The following TRAF3 variants were observed in gnomAD, a reference collection of about 807,000 sequenced individuals.
TRAF3 encodes the protein TNF receptor associated factor 3.
In TRAF3, 13 loss-of-function variants were observed where a neutral mutation model predicts 62.3. The observed-to-expected ratio is 0.21, with a 90% CI of 0.14 to 0.33. TRAF3 has a LOEUF of 0.33. TRAF3 is among the 10% of genes least tolerant of loss of function. TRAF3 has a pLI of 1.00. For synonymous variants in TRAF3, 269 were observed against 283.4 expected (o/e 0.95, Z 0.51); for missense variants, 440 against 741.8 (o/e 0.59, Z 4.73).
rs573131162 is a variant in TRAF3, at chr14:102,786,791, C to G, written c.-157+9116C>G. On this transcript the variant is annotated intron_variant, in intron 1 of 11. Transcript: ENST00000392745. ...CTTGAATCCAGGAGTTCTCAACCAA[C>G]CTGGGCAACATAGTGTTATAAGACC... 1.4e-3 allele frequency among the ~76,000 whole-genome samples: 217 copies of G among 152,162 alleles called. 2 individuals carry two copies. Among genetic ancestry groups the G allele is most frequent in the African/African-American group, 5.1e-3 (212 of 41,522 alleles).
chr14:102,779,122 G>C (rs911230092), intron 1 of TRAF3, among the ~76,000 whole-genome samples: 1 of 152,208 alleles, frequency 6.6e-6, no homozygotes, highest in African/African-American at 2.4e-5. Flanking sequence ...AACCCTGACA[G>C]ACCTTGGATT....
chr14:102,906,775 C>T lies in TRAF3; in HGVS notation c.*991C>T, dbSNP rs1890603847. 6.6e-6 allele frequency: 1 copy of T among 152,242 alleles called. No individual in the cohort carries two copies. Among genetic ancestry groups the T allele is most frequent in the African/African-American group, 2.4e-5 (1 of 41,464 alleles). The allele number at this position is 152,242 out of a possible 1,614,324, so 9.4% of individuals were successfully genotyped here. A position where few individuals can be genotyped will look rare whatever the true frequency, so the allele number is the denominator to read the frequency against. On this transcript the variant is annotated 3_prime_UTR_variant, in exon 12 of 12. Transcript: ENST00000392745. Reference sequence around the variant, plus strand: ...CAGCACCGGCCTTCGGTCTCCATGTCAGGGGTGGGCGGGTGACTGCTGAGG... The same window carrying T: ...CAGCACCGGCCTTCGGTCTCCATGTTAGGGGTGGGCGGGTGACTGCTGAGG...
At chr14:102,902,546 T>C (rs1890357469) in intron 10 of TRAF3, among the ~76,000 whole-genome samples, 1 of 152,114 alleles carries the variant, frequency 6.6e-6, no homozygotes, top group Non-Finnish European at 1.5e-5. Flanking sequence ...TGAGACCCTG[T>C]GGCAGCCATG....
intron 2 of TRAF3, among the ~76,000 whole-genome samples, chr14:102,832,364 T>C (rs1900745690): frequency 6.6e-6 from 1 of 152,178 alleles, no homozygotes; most frequent in Non-Finnish European, 1.5e-5. Flanking sequence ...TGCAACCCAC[T>C]CCATTCAGTT....
chr14:102,890,943 A>G (rs1889676119), intron 8 of TRAF3, among the ~76,000 whole-genome samples: 2 of 152,304 alleles, frequency 1.3e-5, no homozygotes, highest in South Asian at 4.1e-4. Flanking sequence ...AACATTTTCC[A>G]CTTATGCTAT....
chr14:102,818,754 T>C (rs1158525127), intron 1 of TRAF3, among the ~76,000 whole-genome samples: 2 of 152,176 alleles, frequency 1.3e-5, no homozygotes, highest in Admixed American at 1.3e-4. Context: ...CCCTCCAGGC[T>C]CTTCTGTGGC....
At chr14:102,820,585 TATATATATATATATATATATATATATA>T (rs1899846699) in intron 1 of TRAF3, among the ~76,000 whole-genome samples, 2 of 6,250 alleles carry the variant, frequency 3.2e-4, no homozygotes, top group Non-Finnish European at 5.5e-4. Context: ...TATATATATA[TATATATATATATATATATATATATATA>T]TATTTTTTTT....
intron 1 of TRAF3, among the ~76,000 whole-genome samples, chr14:102,781,435 T>C (rs1897268110): frequency 6.6e-6 from 1 of 152,170 alleles, no homozygotes; most frequent in Non-Finnish European, 1.5e-5. Flanking sequence ...GGCACCACTT[T>C]GCTGTCCCTA....
intron 1 of TRAF3, among the ~76,000 whole-genome samples, chr14:102,786,982 A>T (rs560124316): frequency 7.9e-5 from 12 of 152,228 alleles, no homozygotes; most frequent in African/African-American, 2.4e-4. Flanking sequence ...AGCCTGGGTG[A>T]CTCAGTGAGA....
chr14:102,856,750 T>C (rs761059793), intron 2 of TRAF3, among the ~76,000 whole-genome samples: 5 of 152,112 alleles, frequency 3.3e-5, no homozygotes, highest in Non-Finnish European at 5.9e-5. Flanking sequence ...GCAGAACCCT[T>C]AATCCTAACA....
At chr14:102,887,335 G>A (rs1397848024) in intron 7 of TRAF3, among the ~76,000 whole-genome samples, 1 of 152,198 alleles carries the variant, frequency 6.6e-6, no homozygotes, top group Non-Finnish European at 1.5e-5. Flanking sequence ...AGCCTCGCAT[G>A]CCCCTGACTG....
At chr14:102,830,678 T>C (rs1325626455) in intron 2 of TRAF3, among the ~76,000 whole-genome samples, 3 of 152,194 alleles carry the variant, frequency 2.0e-5, no homozygotes, top group Non-Finnish European at 4.4e-5. Flanking sequence ...CCTCTGCCCT[T>C]AACGCTGTGT....
chr14:102,879,654 G>A (rs533054393), intron 6 of TRAF3, among the ~76,000 whole-genome samples: 4 of 147,472 alleles, frequency 2.7e-5, no homozygotes, highest in African/African-American at 4.9e-5. Flanking sequence ...AAAAGTAATT[G>A]CGTTTTTTGC....
At chr14:102,896,895 C>T (rs1468597013) in intron 9 of TRAF3, among the ~76,000 whole-genome samples, 1 of 152,156 alleles carries the variant, frequency 6.6e-6, no homozygotes, top group African/African-American at 2.4e-5. Context: ...AAGACCCTAT[C>T]TCTAAAAAAA....
chr14:102,814,379 C>G (rs1899386129), intron 1 of TRAF3, among the ~76,000 whole-genome samples: 1 of 152,170 alleles, frequency 6.6e-6, no homozygotes, highest in Admixed American at 6.6e-5. Flanking sequence ...TGTGATACCT[C>G]CAGCTCTGTT....
chr14:102,856,838 G>T (rs549969218), intron 2 of TRAF3, among the ~76,000 whole-genome samples: 12 of 152,108 alleles, frequency 7.9e-5, no homozygotes, highest in Non-Finnish European at 1.0e-4. Context: ...CTAACTATGA[G>T]GGTCTCTTGT....
intron 1 of TRAF3, among the ~76,000 whole-genome samples, chr14:102,818,627 C>T (rs759134945): frequency 2.6e-5 from 4 of 152,208 alleles, no homozygotes; most frequent in African/African-American, 4.8e-5. Flanking sequence ...CCCATTCCCC[C>T]GCTCCCAGCC....
chr14:102,870,620 G>T (rs769956262), intron 3 of TRAF3, among the ~76,000 whole-genome samples, 174 bp downstream of exon 3: 1 of 152,178 alleles, frequency 6.6e-6, no homozygotes, highest in African/African-American at 2.4e-5. Flanking sequence ...GGGATCCCAC[G>T]TGTGGGTTTA....
chr14:102,881,758 C>T lies in TRAF3; in HGVS notation c.571-4431C>T, dbSNP rs114951574. ...GAACTTAAAATAAATAAATATATAG[C>T]TATCAAAGTTATATTTTGCTTCTTG... On this transcript the variant is annotated intron_variant, in intron 6 of 11. Coordinates refer to ENST00000392745, the MANE Select transcript of TRAF3 (RefSeq NM_145725.3). Among the ~76,000 whole-genome samples the T allele has an allele frequency of 3.9e-3, 599 of 152,268 alleles. 7 individuals carry two copies. The highest frequency in any genetic ancestry group is 0.013 in the African/African-American group (558 of 41,550).
Sources: allele counts gnomAD v4.1 joint callset (sites outside exome capture counted in the v4.1 genomes callset), GRCh38; gene constraint gnomAD v4.1.1; transcripts MANE v1.5; gene names NCBI Gene and HGNC (gene_info 2026-07-23, HGNC 2026-07-21).